The following MNAT1 variants were observed in gnomAD, a reference collection of about 807,000 sequenced individuals.
The protein encoded by MNAT1 is MNAT1 component of CDK activating kinase, also known as CDK-activating kinase assembly factor MAT1.
In MNAT1, 43 loss-of-function variants were observed where a neutral mutation model predicts 42.0. The observed-to-expected ratio is 1.02, with a 90% CI of 0.80 to 1.32. MNAT1 has a LOEUF of 1.32. Among genes scored for constraint, MNAT1 ranks in the 40% most tolerant of loss-of-function variants. MNAT1 has a pLI of 0.00. For synonymous variants in MNAT1, 118 were observed against 120.0 expected, an observed-to-expected ratio of 0.98 and a Z score of 0.11; for missense variants, 306 against 350.4, an observed-to-expected ratio of 0.87 and a Z score of 1.01.
intron 7 of MNAT1, 71 bp downstream of exon 7, chr14:60,879,906 T>A: frequency 6.7e-7 from 1 of 1,492,522 alleles, no homozygotes; most frequent in Non-Finnish European, 9.1e-7. Flanking sequence ...AACTGACATG[T>A]TAACATTCTT....
chr14:60,890,203 A>C (rs889419739), intron 7 of MNAT1, among the ~76,000 whole-genome samples: 1 of 152,222 alleles, frequency 6.6e-6, no homozygotes, highest in Non-Finnish European at 1.5e-5. Flanking sequence ...AACCAAGCCA[A>C]ATGTCCAACA....
intron 6 of MNAT1, among the ~76,000 whole-genome samples, chr14:60,876,602 G>GTA (rs1246865329): frequency 6.6e-6 from 1 of 151,866 alleles, no homozygotes; most frequent in African/African-American, 2.4e-5. Flanking sequence ...CTAGTCTATG[G>GTA]TAACCACTGA....
chr14:60,850,003 G>A (rs2033783268), intron 6 of MNAT1, among the ~76,000 whole-genome samples: 1 of 151,846 alleles, frequency 6.6e-6, no homozygotes, highest in Admixed American at 6.6e-5. Context: ...CACCAGGCTA[G>A]TTGTTGTATT....
chr14:60,961,552 GT>G (rs1476180204), intron 7 of MNAT1, among the ~76,000 whole-genome samples: 1 of 152,074 alleles, frequency 6.6e-6, no homozygotes, highest in African/African-American at 2.4e-5. Context: ...AGGGAAACCT[GT>G]TCTGATCTTA....
intron 6 of MNAT1, among the ~76,000 whole-genome samples, chr14:60,844,086 C>T (rs2033619847): frequency 6.6e-6 from 1 of 152,088 alleles, no homozygotes; most frequent in African/African-American, 2.4e-5. Flanking sequence ...AATCAATTGA[C>T]TGCATATAAG....
chr14:60,766,174 C>T (rs1014212524), intron 1 of MNAT1, among the ~76,000 whole-genome samples: 8 of 151,620 alleles, frequency 5.3e-5, no homozygotes, highest in East Asian at 1.9e-4. Flanking sequence ...GTGGTGAAAC[C>T]CTGTCTCTAC....
In MNAT1 at chr14:60,935,213, G is replaced by A. The variant is rs139804803; in HGVS notation, c.810-33016G>A. Among the ~76,000 whole-genome samples the A allele has an allele frequency of 5.9e-5, 9 of 151,954 alleles. No individual in the cohort carries two copies. The East Asian group carries it at 7.7e-4, about 13-fold the overall frequency. Reference sequence around the variant, plus strand: ...TCTTGAAGAGGACCATTTGTGTTACGTAGATAGGGGCCATATTTCAGGCAA... The same window carrying A: ...TCTTGAAGAGGACCATTTGTGTTACATAGATAGGGGCCATATTTCAGGCAA... On this transcript the variant is annotated intron_variant, in intron 7 of 7. Coordinates refer to ENST00000261245, the MANE Select transcript of MNAT1 (RefSeq NM_002431.4).
intron 7 of MNAT1, among the ~76,000 whole-genome samples, chr14:60,895,751 G>A (rs2034943616): frequency 6.6e-6 from 1 of 152,150 alleles, no homozygotes; most frequent in South Asian, 2.1e-4. Context: ...GGTCAACATA[G>A]TGAGACTCTG....
intron 7 of MNAT1, among the ~76,000 whole-genome samples, chr14:60,898,794 C>T (rs1358910153): frequency 6.6e-6 from 1 of 151,978 alleles, no homozygotes; most frequent in Non-Finnish European, 1.5e-5. Flanking sequence ...GTTTTACTTA[C>T]CTATGCTTTT....
At chr14:60,936,291 C>T (rs572033276) in intron 7 of MNAT1, among the ~76,000 whole-genome samples, 79 of 152,168 alleles carry the variant, frequency 5.2e-4, no homozygotes, top group South Asian at 1.0e-3. Context: ...AGGTTTGTTA[C>T]GTGTGTATAC....
At chr14:60,757,275 C>T (rs962529968) in intron 1 of MNAT1, among the ~76,000 whole-genome samples, 2 of 152,094 alleles carry the variant, frequency 1.3e-5, no homozygotes, top group African/African-American at 4.8e-5. Context: ...TTACCTCTTT[C>T]CTCAGTTTTT....
At chr14:60,902,406 C>A (rs2035089444) in intron 7 of MNAT1, among the ~76,000 whole-genome samples, 1 of 152,134 alleles carries the variant, frequency 6.6e-6, no homozygotes, top group Non-Finnish European at 1.5e-5. Flanking sequence ...CTGCCTACTA[C>A]AAGCGAGATA....
intron 2 of MNAT1, 76 bp downstream of exon 2, chr14:60,796,445 C>A: frequency 7.3e-7 from 1 of 1,375,518 alleles, no homozygotes; most frequent in Non-Finnish European, 1.0e-6. Flanking sequence ...TTATTATTTG[C>A]TCATAAATGT....
At chr14:60,777,977 T>C (rs1201474339) in intron 1 of MNAT1, among the ~76,000 whole-genome samples, 2 of 152,242 alleles carry the variant, frequency 1.3e-5, no homozygotes, top group Non-Finnish European at 2.9e-5. Flanking sequence ...AATTCATTTC[T>C]ATTGGCAACA....
intron 6 of MNAT1, among the ~76,000 whole-genome samples, chr14:60,869,040 A>ATATATTTTTT (rs1465360826): frequency 3.7e-4 from 42 of 113,026 alleles, no homozygotes; most frequent in African/African-American, 1.3e-3. Context: ...ATATATATAT[A>ATATATTTTTT]TTTTTTTTTT....
chr14:60,844,240 C>T (rs533352895), intron 6 of MNAT1, among the ~76,000 whole-genome samples: 254 of 152,084 alleles, frequency 1.7e-3, no homozygotes, highest in Non-Finnish European at 2.9e-3. Flanking sequence ...ATTTTAGATT[C>T]AGTTTGTCAG....
intron 5 of MNAT1, among the ~76,000 whole-genome samples, chr14:60,817,832 C>T (rs1198104680): frequency 1.3e-5 from 2 of 151,768 alleles, no homozygotes; most frequent in Non-Finnish European, 3.0e-5. Flanking sequence ...ATGTATTTGA[C>T]CTTCATCTCT....
At chr14:60,748,385 T>G (rs770848133) in intron 1 of MNAT1, among the ~76,000 whole-genome samples, 10 of 152,132 alleles carry the variant, frequency 6.6e-5, no homozygotes, top group Admixed American at 3.9e-4. Flanking sequence ...TTGGCGCCAC[T>G]GTGCCCAGTT....
chr14:60,805,409 C>T (rs1379448551), intron 3 of MNAT1, among the ~76,000 whole-genome samples: 1 of 152,132 alleles, frequency 6.6e-6, no homozygotes, highest in South Asian at 2.1e-4. Context: ...ATTGAGATAT[C>T]ATTATCACAC....
Sources: allele counts gnomAD v4.1 joint callset (sites outside exome capture counted in the v4.1 genomes callset), GRCh38; gene constraint gnomAD v4.1.1; transcripts MANE v1.5; gene names NCBI Gene and HGNC (gene_info 2026-07-23, HGNC 2026-07-21).